Variants in KIF18A observed in about 807,000 individuals in gnomAD.
KIF18A encodes the protein kinesin family member 18A, also known as kinesin-like protein KIF18A.
In KIF18A, 67 loss-of-function variants were observed where a neutral mutation model predicts 103.3. The observed-to-expected ratio is 0.65, with a 90% CI of 0.53 to 0.79. The LOEUF (loss-of-function observed/expected upper bound fraction) is 0.79. KIF18A is among the 30% of genes least tolerant of loss of function. The pLI, the probability that KIF18A is intolerant of heterozygous loss-of-function variation, is 0.00. For missense variants in KIF18A, 1,032 were observed against 1,062.5 expected (o/e 0.97, Z 0.40); for synonymous variants, 367 against 355.5 (o/e 1.03, Z -0.36).
chr11:28,097,609 A>G lies in KIF18A; in HGVS notation c.325+14T>C. 1 of 1,528,258 alleles carries G rather than the reference A, an allele frequency of 6.5e-7. No homozygotes were observed. The highest frequency in any genetic ancestry group is 9.1e-7 in the Non-Finnish European group (1 of 1,102,484). The allele number at this position is 1,528,258 out of a possible 1,614,324, so 94.7% of individuals were successfully genotyped here. ...ATCGGATAGAGAAATTAAATCCCAA[A>G]TTGAAACAAATACCTGTGCAATTAT... is the stretch of plus-strand genomic sequence containing the variant. On this transcript the variant is annotated intron_variant, in intron 2 of 16. Coordinates refer to ENST00000263181, the MANE Select transcript of KIF18A (RefSeq NM_031217.4).
intron 9 of KIF18A, among the ~76,000 whole-genome samples, chr11:28,081,495 A>G (rs1851164453): frequency 6.6e-6 from 1 of 152,162 alleles, no homozygotes; most frequent in Admixed American, 6.6e-5. Context: ...ATAGAACAAC[A>G]AAGTCTAGAG....
At chr11:28,105,688 C>T (rs944584254) in intron 1 of KIF18A, among the ~76,000 whole-genome samples, 1 of 152,098 alleles carries the variant, frequency 6.6e-6, no homozygotes, top group Admixed American at 6.5e-5. Flanking sequence ...CACAGGAGCT[C>T]TTGAATGTGA....
At chr11:28,048,439 T>C (rs1017848149) in intron 13 of KIF18A, among the ~76,000 whole-genome samples, 2 of 152,064 alleles carry the variant, frequency 1.3e-5, no homozygotes, top group African/African-American at 2.4e-5. Flanking sequence ...TATTCGTTGA[T>C]AGCAAAATGT....
At chr11:28,071,890 T>C (rs1851020820) in intron 10 of KIF18A, among the ~76,000 whole-genome samples, 1 of 152,162 alleles carries the variant, frequency 6.6e-6, no homozygotes, top group Non-Finnish European at 1.5e-5. Flanking sequence ...TGCTTTAGCA[T>C]TTACAGTCGT....
intron 5 of KIF18A, among the ~76,000 whole-genome samples, chr11:28,090,012 A>G (rs752490685): frequency 6.6e-6 from 1 of 152,220 alleles, no homozygotes; most frequent in Non-Finnish European, 1.5e-5. Context: ...TGCCTTCAAT[A>G]TCAATTCTTT....
chr11:28,097,470 T>C, intron 2 of KIF18A, 153 bp downstream of exon 2: 1 of 642,546 alleles, frequency 1.6e-6, no homozygotes, highest in Non-Finnish European at 2.8e-6. Flanking sequence ...TTTCAAAGTC[T>C]ATATTTACAG....
chr11:28,072,988 T>C (rs2133542452), intron 10 of KIF18A, among the ~76,000 whole-genome samples: 1 of 152,224 alleles, frequency 6.6e-6, no homozygotes, highest in Non-Finnish European at 1.5e-5. Flanking sequence ...ATAATGCTAC[T>C]CCCTTGCTTG....
intron 13 of KIF18A, among the ~76,000 whole-genome samples, chr11:28,043,703 CA>C (rs1850592752): frequency 2.0e-5 from 3 of 151,362 alleles, no homozygotes; most frequent in African/African-American, 7.3e-5. Flanking sequence ...AAAACAAAAA[CA>C]AAAACCAAAT....
intron 6 of KIF18A, among the ~76,000 whole-genome samples, chr11:28,088,069 T>TA (rs897783431): frequency 6.6e-6 from 1 of 152,076 alleles, no homozygotes; most frequent in Non-Finnish European, 1.5e-5. Context: ...TGACATTTTA[T>TA]AACTTAAACC....
intron 9 of KIF18A, among the ~76,000 whole-genome samples, chr11:28,080,539 T>C (rs1851152609): frequency 6.6e-6 from 1 of 152,124 alleles, no homozygotes. Flanking sequence ...GATGTTACCA[T>C]TGTAATTGCT....
At chr11:28,044,872 G>T (rs1045595021) in intron 13 of KIF18A, among the ~76,000 whole-genome samples, 2 of 151,888 alleles carry the variant, frequency 1.3e-5, no homozygotes, top group Non-Finnish European at 2.9e-5. Flanking sequence ...TATTAAATTT[G>T]CTATTAATAA....
chr11:28,043,720 C>T (rs1284913872), intron 13 of KIF18A, among the ~76,000 whole-genome samples: 4 of 151,178 alleles, frequency 2.6e-5, no homozygotes, highest in East Asian at 1.9e-4. Flanking sequence ...CAAATCAAAG[C>T]GCACAAACCT....
intron 13 of KIF18A, among the ~76,000 whole-genome samples, chr11:28,043,340 C>T (rs1850585013): frequency 6.6e-6 from 1 of 151,766 alleles, no homozygotes; most frequent in Non-Finnish European, 1.5e-5. Flanking sequence ...GATCAGTGGA[C>T]AGGAATATAT....
chr11:28,045,348 C>G (rs1404781656), intron 13 of KIF18A, among the ~76,000 whole-genome samples: 1 of 150,896 alleles, frequency 6.6e-6, no homozygotes. Flanking sequence ...AAGTCTATCT[C>G]ACAGATTTGG....
chr11:28,100,305 C>G (rs1251701319), intron 1 of KIF18A, among the ~76,000 whole-genome samples: 1 of 151,760 alleles, frequency 6.6e-6, no homozygotes. Flanking sequence ...AGGCTGTCCT[C>G]AGTCTTAATG....
At chr11:28,090,958 A>G (rs1851292293) in intron 4 of KIF18A, among the ~76,000 whole-genome samples, 1 of 152,078 alleles carries the variant, frequency 6.6e-6, no homozygotes, top group Non-Finnish European at 1.5e-5. Flanking sequence ...GTAGAATAAT[A>G]TGACATTAAA....
At chr11:28,043,013 T>C (rs776130211) in intron 13 of KIF18A, among the ~76,000 whole-genome samples, 2 of 151,760 alleles carry the variant, frequency 1.3e-5, no homozygotes, top group Non-Finnish European at 2.9e-5. Flanking sequence ...CAGATATCAG[T>C]AAAGGGCCTT....
At chr11:28,070,626 C>G (rs1435440744) in intron 10 of KIF18A, among the ~76,000 whole-genome samples, 5 of 152,134 alleles carry the variant, frequency 3.3e-5, no homozygotes, top group Non-Finnish European at 4.4e-5. Context: ...CACAGTAAGA[C>G]AGTAACAAAA....
At chr11:28,054,116 C>T (rs1850748075) in intron 13 of KIF18A, among the ~76,000 whole-genome samples, 1 of 151,888 alleles carries the variant, frequency 6.6e-6, no homozygotes. Context: ...TACATATTTG[C>T]TTACTAAAAC....
Sources: gnomAD v4.1 joint callset for allele counts (sites outside exome capture counted in the v4.1 genomes callset) on GRCh38, gnomAD v4.1.1 for gene constraint, MANE v1.5 for transcripts, NCBI Gene and HGNC (gene_info 2026-07-23, HGNC 2026-07-21) for gene names.